Variants in ZNF783 observed in about 807,000 individuals in gnomAD.
ZNF783 encodes protein ZNF783.
A neutral mutation model predicts 31.3 loss-of-function variants in ZNF783; 25 were observed. That is an observed-to-expected ratio of 0.80 (90% CI 0.58 to 1.11). The LOEUF is 1.11. Among genes scored for constraint, ZNF783 ranks in the 50% most tolerant of loss-of-function variants. The pLI is 0.00. For synonymous variants in ZNF783, 369 were observed against 319.1 expected (o/e 1.16, Z -1.66); for missense variants, 797 against 760.0 (o/e 1.05, Z -0.57).
chr7:149,267,323 G>A, intron 4 of ZNF783, 101 bp downstream of exon 4: 3 of 1,462,262 alleles, frequency 2.1e-6, no homozygotes, highest in South Asian at 2.8e-5. Flanking sequence ...GGCAGGAAGG[G>A]AGCATAGACC....
chr7:149,278,441 C>T lies in ZNF783; in HGVS notation c.716C>T (p.Pro239Leu). Residue 239 changes from proline to leucine, a missense_variant, in exon 5 of 6, where the codon CCT becomes CTT. By Grantham distance (98) the Pro-to-Leu change is moderately conservative. Coordinates refer to ENST00000434415, the MANE Select transcript of ZNF783 (RefSeq NM_001195220.2). ...YPEHLTSPLSPAQEELKEGQA... is the reference protein window; with the variant it reads ...YPEHLTSPLSLAQEELKEGQA... ...GAGCACCTCACCAGCCCACTTAGCC[C>T]TGCCCAGGAGGAGCTGAAAGAAGGG... is the stretch of plus-strand genomic sequence containing the variant. The T allele has an allele frequency of 6.3e-7, 1 of 1,599,444 alleles. No homozygotes were observed. Among genetic ancestry groups the T allele is most frequent in the Non-Finnish European group, 8.5e-7 (1 of 1,179,806 alleles).
At chr7:149,279,057 C>T (rs1043851693) in intron 5 of ZNF783, among the ~76,000 whole-genome samples, 3 of 152,238 alleles carry the variant, frequency 2.0e-5, no homozygotes, top group Admixed American at 1.3e-4. Flanking sequence ...GGAACACTTG[C>T]AAACAGTCCA....
chr7:149,279,525 A>G (rs1322943078), intron 5 of ZNF783, among the ~76,000 whole-genome samples: 1 of 150,012 alleles, frequency 6.7e-6, no homozygotes, highest in Non-Finnish European at 1.5e-5. Flanking sequence ...TGCTGGGGAG[A>G]TGGCTGTGCA....
At chr7:149,281,399 G>T in intron 5 of ZNF783, 106 bp from the exon 6 acceptor site, 1 of 981,444 alleles carries the variant, frequency 1.0e-6, no homozygotes, top group Non-Finnish European at 1.4e-6. Context: ...TGAGCACTGT[G>T]GGGAGATAGG....
chr7:149,268,482 TA>T (rs530166020), intron 4 of ZNF783, among the ~76,000 whole-genome samples: 3 of 152,278 alleles, frequency 2.0e-5, no homozygotes, highest in African/African-American at 4.8e-5. Context: ...TGAGTACTTT[TA>T]AAAAAAATTT....
chr7:149,282,136 C>T lies in ZNF783; in HGVS notation c.1434C>T (p.Pro478=), dbSNP rs1797491451. 2 of 1,599,874 alleles carry T rather than the reference C, an allele frequency of 1.3e-6. No homozygotes were observed. Among genetic ancestry groups the T allele is most frequent in the African/African-American group, 1.3e-5 (1 of 75,032 alleles). ...ACTGCGGCAAGGCCTTCCGCCGGCC[C>T]TCGGACCTCTTCCGGCACCAGCGCA... ...CPYCGKAFRR[P]SDLFRHQRIH... The change falls in exon 6 of 6, where the codon CCC becomes CCT. Residue 478 remains proline (P), a synonymous_variant. Coordinates refer to ENST00000434415, the MANE Select transcript of ZNF783 (RefSeq NM_001195220.2).
At chr7:149,267,035 A>G in intron 3 of ZNF783, 62 bp from the exon 4 acceptor site, 2 of 1,609,460 alleles carry the variant, frequency 1.2e-6, no homozygotes, top group Non-Finnish European at 1.7e-6. Context: ...TACTTTGGGC[A>G]TCTCTGCATC....
intron 4 of ZNF783, among the ~76,000 whole-genome samples, chr7:149,268,593 T>C (rs1242843789): frequency 6.6e-6 from 1 of 152,184 alleles, no homozygotes; most frequent in African/African-American, 2.4e-5. Flanking sequence ...CAATCCATTC[T>C]CCTCTCTTTC....
At position 149,279,506 on chromosome 7, in the gene ZNF783, G is replaced by A. The variant is rs142725011; in HGVS notation, c.802+979G>A. ...CTTTCCCTGACAGGGACTTGCGCACGTCCAGGGCTGCTGGGGAGATGGCTG... is the reference window on the plus strand; with the variant it reads ...CTTTCCCTGACAGGGACTTGCGCACATCCAGGGCTGCTGGGGAGATGGCTG... On this transcript the variant is annotated intron_variant, in intron 5 of 5. Coordinates refer to ENST00000434415, the MANE Select transcript of ZNF783 (RefSeq NM_001195220.2). Among the ~76,000 whole-genome samples the A allele has an allele frequency of 9.0e-3, 1,370 of 152,290 alleles. 14 individuals carry two copies. The highest frequency in any genetic ancestry group is 0.031 in the Admixed American group (474 of 15,306).
In ZNF783 at chr7:149,267,099, T is replaced by A. The variant is rs369627807; in HGVS notation, c.550T>A (p.Tyr184Asn). The change falls in exon 4 of 6, where the codon TAT (tyrosine) becomes AAT (asparagine). Residue 184 changes from tyrosine to asparagine, a missense_variant and splice_region_variant. By Grantham distance (143) the Tyr-to-Asn change is moderately radical. Transcript: ENST00000434415. ...CTCATTTCTTGTTCTGTGCACAGAT[T>A]ATGCAATCTCCAAACCAGACATCCT... is the stretch of plus-strand genomic sequence containing the variant. ...GNYETLVSLD[Y>N]AISKPDILTR... 1.9e-6 allele frequency: 3 copies of A among 1,600,846 alleles called. No individual in the cohort carries two copies. Among genetic ancestry groups the A allele is most frequent in the South Asian group, 1.1e-5 (1 of 91,076 alleles).
At chr7:149,270,532 T>C (rs1195502917) in intron 4 of ZNF783, among the ~76,000 whole-genome samples, 2 of 152,234 alleles carry the variant, frequency 1.3e-5, no homozygotes, top group Non-Finnish European at 2.9e-5. Context: ...ACCCATGACT[T>C]GGGCTTCTTT....
chr7:149,264,006 A>G (rs1189819485), intron 1 of ZNF783, among the ~76,000 whole-genome samples: 4 of 152,046 alleles, frequency 2.6e-5, no homozygotes, highest in South Asian at 4.1e-4. Context: ...CTGCTTCACT[A>G]CCTTTCAGAT....
At chr7:149,278,280 C>T (rs1458421712) in intron 4 of ZNF783, 119 bp from the exon 5 acceptor site, 2 of 1,503,924 alleles carry the variant, frequency 1.3e-6, no homozygotes, top group Admixed American at 4.0e-5. Flanking sequence ...ACTATCATGC[C>T]CTGTGCTGGA....
At chr7:149,262,429 T>A (rs974992711) in intron 1 of ZNF783, 72 bp downstream of exon 1, 12 of 1,167,684 alleles carry the variant, frequency 1.0e-5, no homozygotes, top group Non-Finnish European at 1.3e-5. Flanking sequence ...CGAGGGACTC[T>A]GGCCGCGCGA....
At chr7:149,278,812 G>C (rs1797392055) in intron 5 of ZNF783, among the ~76,000 whole-genome samples, 1 of 152,080 alleles carries the variant, frequency 6.6e-6, no homozygotes, top group African/African-American at 2.4e-5. Flanking sequence ...GTGAGGGGAG[G>C]GGGTAGATGG....
intron 5 of ZNF783, among the ~76,000 whole-genome samples, chr7:149,280,421 T>G (rs1348846972): frequency 4.6e-5 from 6 of 129,376 alleles, no homozygotes; most frequent in East Asian, 2.6e-4. Flanking sequence ...GGGAGTGGGG[T>G]GGGGTTGGGG....
Position 149,262,249 on chromosome 7 carries a change from T to C in ZNF783, c.-85T>C. ...AGCTCTCAGGTTAGGCGGGTCCCGC[T>C]CCGCTTCCGCCGTCGCTGCCGCGCC... On this transcript the variant is annotated 5_prime_UTR_variant, in exon 1 of 6. Transcript: ENST00000434415. 3 of 1,247,192 alleles carry C rather than the reference T, an allele frequency of 2.4e-6. No individual in the cohort carries two copies. Among genetic ancestry groups the C allele is most frequent in the Non-Finnish European group, 3.1e-6 (3 of 976,758 alleles). The allele number at this position is 1,247,192 out of a possible 1,614,324, so 77.3% of individuals were successfully genotyped here.
rs1158439422 is a variant in ZNF783 at position 149,267,259 on chromosome 7, A to C, written c.673+37A>C. 2.6e-6 allele frequency: 4 copies of C among 1,550,726 alleles called. No individual in the cohort carries two copies. The African/African-American group carries it at 5.5e-5, about 21-fold the overall frequency. On this transcript the variant is annotated intron_variant, in intron 4 of 5. Transcript: ENST00000434415. Reference sequence around the variant, plus strand: ...AGCCAGATGTGGTTGGGGGGCCGCCAGGGGCTAGCTGCACCATCGCCTACC... The same window carrying C: ...AGCCAGATGTGGTTGGGGGGCCGCCCGGGGCTAGCTGCACCATCGCCTACC...
In ZNF783 at chr7:149,282,303, GCCTGCCCCTGC is replaced by G; in HGVS notation, c.1606_1616del (p.Pro536AlafsTer78). 1 of 1,563,580 alleles carries G rather than the reference GCCTGCCCCTGC, an allele frequency of 6.4e-7. No individual in the cohort carries two copies. Among genetic ancestry groups the G allele is most frequent in the Non-Finnish European group, 8.6e-7 (1 of 1,163,060 alleles). Reference sequence around the variant, plus strand: ...CCTGCCGCCCCCGCCCGCCACGGGAGCCTGCCCCTGCCCTGGCCCAGCCGGAAGGAGGAGGG... The same window carrying G: ...CCTGCCGCCCCCGCCCGCCACGGGAGCCTGGCCCAGCCGGAAGGAGGAGGG... On this transcript the variant is annotated frameshift_variant, in exon 6 of 6. Transcript: ENST00000434415. LOFTEE classifies it low-confidence loss of function (END_TRUNC).
Sources: gnomAD v4.1 joint callset for allele counts (sites outside exome capture counted in the v4.1 genomes callset) on GRCh38, gnomAD v4.1.1 for gene constraint, MANE v1.5 for transcripts, NCBI Gene and HGNC (gene_info 2026-07-23, HGNC 2026-07-21) for gene names.